Variants in DCLRE1C observed in about 807,000 individuals in gnomAD.
The protein encoded by DCLRE1C is DNA cross-link repair 1C.
Under a neutral mutation model 61.4 loss-of-function variants are expected in DCLRE1C, and 47 were observed. That is an observed-to-expected ratio of 0.77 (90% CI 0.61 to 0.98). DCLRE1C has a LOEUF of 0.98. DCLRE1C is among the 50% of genes least tolerant of loss of function. The pLI is 0.00. For synonymous variants in DCLRE1C, 337 were observed against 287.6 expected (o/e 1.17, Z -1.74); for missense variants, 858 against 816.0 (o/e 1.05, Z -0.63).
intron 13 of DCLRE1C, among the ~76,000 whole-genome samples, chr10:14,910,215 C>CA (rs1241621306): frequency 6.6e-6 from 1 of 152,070 alleles, no homozygotes; most frequent in Non-Finnish European, 1.5e-5. Context: ...AAGGGTGTGC[C>CA]AATACACACG....
intron 8 of DCLRE1C, among the ~76,000 whole-genome samples, chr10:14,934,093 C>T (rs540874039): frequency 9.2e-5 from 14 of 151,862 alleles, no homozygotes; most frequent in African/African-American, 2.4e-4. Flanking sequence ...TTTAGGAGGC[C>T]GAGGCAGGCA....
chr10:14,934,793 T>C lies in DCLRE1C; in HGVS notation c.465-18A>G. ...CTTTGACTCTGAAAAGAAAAAAAAT[T>C]GATGTTAGCCATCCAATGTGATATA... On this transcript the variant is annotated intron_variant, in intron 6 of 13. Coordinates refer to ENST00000378278, the MANE Select transcript of DCLRE1C (RefSeq NM_001033855.3). 1.3e-6 allele frequency: 2 copies of C among 1,573,208 alleles called. No homozygotes were observed. Among genetic ancestry groups the C allele is most frequent in the Non-Finnish European group, 1.8e-6 (2 of 1,142,798 alleles).
downstream of DCLRE1C, among the ~76,000 whole-genome samples, chr10:14,900,759 T>A (rs372507626): frequency 1.5e-4 from 23 of 152,196 alleles, no homozygotes; most frequent in African/African-American, 5.1e-4. Flanking sequence ...GTTCTAGTTA[T>A]TTTAAAGTGT....
At chr10:14,936,641 A>T (rs757359728) in intron 4 of DCLRE1C, 48 bp from the exon 5 acceptor site, 2 of 1,365,906 alleles carry the variant, frequency 1.5e-6, no homozygotes, top group Non-Finnish European at 2.1e-6. Context: ...AGTTATCATT[A>T]GGACCTAGCT....
downstream of DCLRE1C, chr10:14,902,373 C>T (rs750210703): frequency 3.6e-5 from 52 of 1,434,828 alleles, no homozygotes; most frequent in Non-Finnish European, 4.8e-5. Context: ...TCTTAACTCT[C>T]TTTCTCCTAT....
At chr10:14,918,919 T>A (rs1486384432) in intron 13 of DCLRE1C, among the ~76,000 whole-genome samples, 2 of 152,204 alleles carry the variant, frequency 1.3e-5, no homozygotes, top group Non-Finnish European at 2.9e-5. Flanking sequence ...TTCTTGCTAG[T>A]CCTTAGGGAC....
rs1834648258 is a variant in DCLRE1C at position 14,908,309 on chromosome 10, T to G, written c.*99A>C. On this transcript the variant is annotated 3_prime_UTR_variant, in exon 14 of 14. Transcript: ENST00000378278. ...AGCCACCACACCCAACCAGGTTATT[T>G]GAACATTTTTAAGTACTGTATTTTC... is the stretch of plus-strand genomic sequence containing the variant. The G allele has an allele frequency of 9.7e-7, 1 of 1,029,712 alleles. No individual in the cohort carries two copies. Among genetic ancestry groups the G allele is most frequent in the Non-Finnish European group, 1.5e-6 (1 of 673,554 alleles). 63.8% of individuals were successfully genotyped at this position (1,029,712 alleles called of 1,614,324 possible). A position where few individuals can be genotyped will look rare whatever the true frequency, so the allele number is the denominator to read the frequency against.
At position 14,945,543 on chromosome 10, in the gene DCLRE1C, C is replaced by A. The variant is rs373456309; in HGVS notation, c.162-354G>T. On this transcript the variant is annotated intron_variant, in intron 2 of 13. Coordinates refer to ENST00000378278, the MANE Select transcript of DCLRE1C (RefSeq NM_001033855.3). Reference sequence around the variant, plus strand: ...CTCACCATTGTTACTTGGAAATACGCGCTTGTATGTGATCAGGTGTGTCTG... The same window carrying A: ...CTCACCATTGTTACTTGGAAATACGAGCTTGTATGTGATCAGGTGTGTCTG... The A allele has an allele frequency of 1.4e-5, 15 of 1,094,970 alleles. No homozygotes were observed. In the African/African-American group the frequency reaches 1.8e-4, roughly 13 times the overall value. The allele number at this position is 1,094,970 out of a possible 1,614,324, so 67.8% of individuals were successfully genotyped here. A position where few individuals can be genotyped will look rare whatever the true frequency, so the allele number is the denominator to read the frequency against.
intron 4 of DCLRE1C, among the ~76,000 whole-genome samples, chr10:14,938,723 C>G (rs1002466732): frequency 6.6e-6 from 1 of 151,956 alleles, no homozygotes; most frequent in African/African-American, 2.4e-5. Flanking sequence ...AATAAGGGTT[C>G]AGAAAAAAAG....
At chr10:14,951,381 C>T (rs921507111) in intron 1 of DCLRE1C, among the ~76,000 whole-genome samples, 1 of 74,380 alleles carries the variant, frequency 1.3e-5, no homozygotes, top group African/African-American at 5.1e-5. Context: ...CAGAGCAAAA[C>T]CCTGTCTCAA....
intron 2 of DCLRE1C, among the ~76,000 whole-genome samples, chr10:14,946,950 G>A (rs954148836): frequency 3.3e-5 from 5 of 152,074 alleles, no homozygotes; most frequent in Non-Finnish European, 5.9e-5. Flanking sequence ...GATGCCGCAC[G>A]CCTGTAATCC....
At chr10:14,946,820 G>A (rs1217418871) in intron 2 of DCLRE1C, among the ~76,000 whole-genome samples, 4 of 152,060 alleles carry the variant, frequency 2.6e-5, no homozygotes, top group East Asian at 1.9e-4. Context: ...GTCTCCCTAC[G>A]TTGCCCAGGT....
chr10:14,914,516 G>A (rs1578643), intron 13 of DCLRE1C, among the ~76,000 whole-genome samples: 55,918 of 152,104 alleles, frequency 0.37, 12,601 homozygotes, highest in African/African-American at 0.64. Context: ...ACTTAGCCTA[G>A]TTGACATTTA....
At chr10:14,912,817 G>C (rs531517964) in intron 13 of DCLRE1C, among the ~76,000 whole-genome samples, 2 of 152,146 alleles carry the variant, frequency 1.3e-5, no homozygotes, top group Non-Finnish European at 2.9e-5. Flanking sequence ...TAATAGCTGG[G>C]ACTACAGGTG....
At position 14,936,343 on chromosome 10, in the gene DCLRE1C, TA is replaced by T. The variant is rs1167067292; in HGVS notation, c.362+194del. On this transcript the variant is annotated intron_variant, in intron 5 of 13. Transcript: ENST00000378278. ...CTTTCTTTCTTTTTTTTTTTTTTTT[TA>T]AAAAAAAAACTCACTGCAGCCTCCA... Among the ~76,000 whole-genome samples the T allele has an allele frequency of 9.4e-3, 1,352 of 143,420 alleles. 16 individuals carry two copies. The highest frequency in any genetic ancestry group is 0.06 in the East Asian group (297 of 4,976). The allele number at this position is 143,420 out of a possible 152,430, so 94.1% of individuals were successfully genotyped here.
intron 13 of DCLRE1C, among the ~76,000 whole-genome samples, chr10:14,910,287 C>T (rs1195605175): frequency 6.6e-6 from 1 of 152,192 alleles, no homozygotes; most frequent in East Asian, 1.9e-4. Context: ...GGCTTAAGGT[C>T]ACTAAGATAT....
chr10:14,934,776 C>T lies in DCLRE1C; in HGVS notation c.465-1G>A. On this transcript the variant is annotated splice_acceptor_variant, in intron 6 of 13. Coordinates refer to ENST00000378278, the MANE Select transcript of DCLRE1C (RefSeq NM_001033855.3). LOFTEE classifies it high-confidence loss of function. Reference sequence around the variant, plus strand: ...ATATACACTTTGGATGTCTTTGACTCTGAAAAGAAAAAAAATTGATGTTAG... The same window carrying T: ...ATATACACTTTGGATGTCTTTGACTTTGAAAAGAAAAAAAATTGATGTTAG... 1 of 1,610,812 alleles carries T rather than the reference C, an allele frequency of 6.2e-7. No homozygotes were observed. The highest frequency in any genetic ancestry group is 1.1e-5 in the South Asian group (1 of 90,974).
intron 9 of DCLRE1C, 92 bp from the exon 10 acceptor site, chr10:14,928,244 C>G (rs1255594630): frequency 8.8e-7 from 1 of 1,142,358 alleles, no homozygotes. Flanking sequence ...GAAAAGTTTC[C>G]AGACACGAAA....
intron 2 of DCLRE1C, chr10:14,945,709 A>T (rs567806772): frequency 2.0e-6 from 1 of 494,550 alleles, no homozygotes; most frequent in African/African-American, 2.8e-5. Flanking sequence ...CCCAGGCTGG[A>T]GTGCAATGGT....
Sources: gnomAD v4.1 joint callset for allele counts (sites outside exome capture counted in the v4.1 genomes callset) on GRCh38, gnomAD v4.1.1 for gene constraint, MANE v1.5 for transcripts, NCBI Gene and HGNC (gene_info 2026-07-23, HGNC 2026-07-21) for gene names.